Variants in ARPP21 observed in about 807,000 individuals in gnomAD.
ARPP21 encodes the protein cAMP-regulated phosphoprotein 21.
In ARPP21, 69 loss-of-function variants were observed where a neutral mutation model predicts 113.2. That is an observed-to-expected ratio of 0.61 (90% confidence interval 0.50 to 0.74). ARPP21 has a LOEUF of 0.74. Among genes scored for constraint, ARPP21 ranks in the 30% least tolerant of loss-of-function variants. ARPP21 has a pLI of 0.00. For synonymous variants in ARPP21, 368 were observed against 375.5 expected (o/e 0.98, Z 0.23); for missense variants, 1,070 against 1,037.4 (o/e 1.03, Z -0.43).
chr3:35,772,633 T>C (rs2096242682), intron 19 of ARPP21, among the ~76,000 whole-genome samples: 1 of 152,198 alleles, frequency 6.6e-6, no homozygotes, highest in African/African-American at 2.4e-5. Flanking sequence ...CACATTTCCA[T>C]TATGCCTTTT....
At chr3:35,758,620 C>A (rs1031549637) in intron 19 of ARPP21, among the ~76,000 whole-genome samples, 1 of 151,960 alleles carries the variant, frequency 6.6e-6, no homozygotes, top group African/African-American at 2.4e-5. Context: ...TCCCTAACTC[C>A]TTCCCCAGCA....
At chr3:35,701,798 A>G (rs2086517515) in intron 9 of ARPP21, among the ~76,000 whole-genome samples, 1 of 151,412 alleles carries the variant, frequency 6.6e-6, no homozygotes, top group African/African-American at 2.4e-5. Context: ...AGATGGCCTT[A>G]GAAGCAGGGA....
chr3:35,758,928 A>G (rs560114961), intron 19 of ARPP21, among the ~76,000 whole-genome samples: 1 of 152,048 alleles, frequency 6.6e-6, no homozygotes, highest in African/African-American at 2.4e-5. Flanking sequence ...TGTCCAGATA[A>G]GTGGATTTTA....
At chr3:35,672,664 T>G (rs1434123967) in intron 1 of ARPP21, among the ~76,000 whole-genome samples, 1 of 152,044 alleles carries the variant, frequency 6.6e-6, no homozygotes, top group Non-Finnish European at 1.5e-5. Context: ...TCCCCATGAT[T>G]GTGGAGTTTA....
At chr3:35,709,724 G>T (rs1238580417) in intron 11 of ARPP21, among the ~76,000 whole-genome samples, 1 of 152,128 alleles carries the variant, frequency 6.6e-6, no homozygotes, top group Non-Finnish European at 1.5e-5. Context: ...GTAGAGGCTG[G>T]ATTTAAATGC....
Position 35,729,449 on chromosome 3 carries a change from G to A in ARPP21, c.1372G>A (p.Ala458Thr), listed in dbSNP as rs563426218. The change falls in exon 15 of 21, where the codon GCT (alanine) becomes ACT (threonine). Residue 458 changes from alanine (A) to threonine (T), a missense_variant. Coordinates refer to ENST00000684406, the MANE Select transcript of ARPP21 (RefSeq NM_001385562.1). ...AGAGAATGGAATAGGGGGCCAGGTT[G>A]CTCCCAGCAGCACCAGCTACATCCT... ...YPENGIGGQV[A>T]PSSTSYILLP... is the part of the protein sequence containing the mutation. 1.2e-6 allele frequency: 2 copies of A among 1,614,186 alleles called. No individual in the cohort carries two copies. The highest frequency in any genetic ancestry group is 1.7e-6 in the Non-Finnish European group (2 of 1,180,032).
chr3:35,691,975 A>T (rs2082370532), intron 9 of ARPP21, among the ~76,000 whole-genome samples: 1 of 151,504 alleles, frequency 6.6e-6, no homozygotes. Context: ...ACAAGTGGGG[A>T]TGGAGATGAG....
At chr3:35,757,241 A>T (rs1487270603) in intron 19 of ARPP21, among the ~76,000 whole-genome samples, 2 of 151,410 alleles carry the variant, frequency 1.3e-5, no homozygotes, top group African/African-American at 4.9e-5. Flanking sequence ...AAAAAAAAAA[A>T]TTGTAAAGAT....
At position 35,667,941 on chromosome 3, in the gene ARPP21, A is replaced by G. The variant is rs1316637013; in HGVS notation, c.-212-11846A>G. On this transcript the variant is annotated intron_variant, in intron 1 of 20. Transcript: ENST00000684406. ...GGAGGAGGAGGAGGAGGAGAAGGAG[A>G]AGAAGAAAAGAAGAAGAAGAAGAAG... Among the ~76,000 whole-genome samples the G allele has an allele frequency of 3.9e-4, 54 of 139,400 alleles. 2 individuals are homozygous for G. The highest frequency in any genetic ancestry group is 3.6e-3 in the Middle Eastern group (1 of 280). 91.5% of individuals were successfully genotyped at this position (139,400 alleles called of 152,430 possible).
chr3:35,734,724 C>A (rs953981883), intron 15 of ARPP21, among the ~76,000 whole-genome samples: 1 of 152,212 alleles, frequency 6.6e-6, no homozygotes, highest in Non-Finnish European at 1.5e-5. Context: ...TTGCTCTCTA[C>A]GAGTGAGCAT....
intron 14 of ARPP21, among the ~76,000 whole-genome samples, chr3:35,723,800 AT>A (rs541406542): frequency 1.3e-5 from 2 of 152,098 alleles, no homozygotes; most frequent in Non-Finnish European, 2.9e-5. Flanking sequence ...GTGCTTCAGA[AT>A]TTTTTTTCTT....
At chr3:35,731,597 AC>A (rs1413758167) in intron 15 of ARPP21, among the ~76,000 whole-genome samples, 1 of 152,188 alleles carries the variant, frequency 6.6e-6, no homozygotes, top group African/African-American at 2.4e-5. Flanking sequence ...ATGTGTATGT[AC>A]ATATATGCAT....
intron 1 of ARPP21, among the ~76,000 whole-genome samples, chr3:35,647,719 A>T (rs1030873159): frequency 6.6e-6 from 1 of 152,132 alleles, no homozygotes; most frequent in Admixed American, 6.5e-5. Flanking sequence ...AAATAGTGTG[A>T]CTATGGCCAA....
At chr3:35,715,249 T>C in intron 11 of ARPP21, 190 bp from the exon 12 acceptor site, 2 of 556,822 alleles carry the variant, frequency 3.6e-6, no homozygotes, top group Admixed American at 3.1e-5. Context: ...AAATACCCTA[T>C]GCTGCATGAG....
intron 9 of ARPP21, among the ~76,000 whole-genome samples, chr3:35,706,564 C>A (rs1322219993): frequency 6.6e-6 from 1 of 152,196 alleles, no homozygotes; most frequent in Non-Finnish European, 1.5e-5. Flanking sequence ...AGAAGATATT[C>A]TGCCAGTTCC....
chr3:35,683,440 G>A (rs1296372175), intron 4 of ARPP21, among the ~76,000 whole-genome samples: 2 of 151,612 alleles, frequency 1.3e-5, no homozygotes, highest in South Asian at 4.1e-4. Flanking sequence ...TTCATGAAAT[G>A]ACAGCAATTC....
chr3:35,742,184 A>T (rs2094707061), intron 18 of ARPP21, among the ~76,000 whole-genome samples: 2 of 152,248 alleles, frequency 1.3e-5, no homozygotes, highest in Non-Finnish European at 2.9e-5. Context: ...AATAGATATC[A>T]CATTCATGAG....
chr3:35,743,212 G>C (rs867596112), intron 18 of ARPP21, among the ~76,000 whole-genome samples: 39 of 152,156 alleles, frequency 2.6e-4, no homozygotes, highest in African/African-American at 9.4e-4. Flanking sequence ...GTTTCCATTA[G>C]AAAAGCAATT....
intron 11 of ARPP21, among the ~76,000 whole-genome samples, chr3:35,714,606 A>G (rs1228466353): frequency 1.3e-5 from 2 of 152,092 alleles, no homozygotes; most frequent in Admixed American, 1.3e-4. Flanking sequence ...AAATACAGTC[A>G]CCCTATTATA....
Sources: allele counts gnomAD v4.1 joint callset (sites outside exome capture counted in the v4.1 genomes callset), GRCh38; gene constraint gnomAD v4.1.1; transcripts MANE v1.5; gene names NCBI Gene and HGNC (gene_info 2026-07-23, HGNC 2026-07-21).